The following TSPEAR variants were observed in gnomAD, a reference collection of about 807,000 sequenced individuals.
TSPEAR encodes thrombospondin-type laminin G domain and EAR repeat-containing protein.
Under a neutral mutation model 71.6 loss-of-function variants are expected in TSPEAR, and 69 were observed. The observed-to-expected ratio is 0.96, with a 90% CI of 0.79 to 1.18. TSPEAR has a LOEUF of 1.18. Ranked by LOEUF, TSPEAR falls within the 50% of genes most tolerant of loss-of-function variation. The pLI is 0.00. For missense variants in TSPEAR, 971 were observed against 894.9 expected, an observed-to-expected ratio of 1.09 and a Z score of -1.09; for synonymous variants, 402 against 387.2, an observed-to-expected ratio of 1.04 and a Z score of -0.45.
chr21:44,513,232 A>G (rs2052450187), intron 9 of TSPEAR, among the ~76,000 whole-genome samples: 1 of 152,200 alleles, frequency 6.6e-6, no homozygotes, highest in Non-Finnish European at 1.5e-5. Context: ...TCCCTATGCC[A>G]GGCTGTCAGA....
Position 44,539,415 on chromosome 21 carries a change from T to C in TSPEAR, c.304-5492A>G, listed in dbSNP as rs147442908. 2,602 of 1,602,062 alleles carry C rather than the reference T, an allele frequency of 1.6e-3. 18 individuals are homozygous for C. The East Asian group carries it at 0.023, about 14-fold the overall frequency. ...GGGGCACAGCAGGAGGAGACAGGCA[T>C]ACAGCAGGCGGGCCGGCATACAGGG... On this transcript the variant is annotated intron_variant, in intron 2 of 11. Coordinates refer to ENST00000323084, the MANE Select transcript of TSPEAR (RefSeq NM_144991.3).
chr21:44,691,922 C>T (rs972977137), intron 1 of TSPEAR, among the ~76,000 whole-genome samples: 4 of 152,140 alleles, frequency 2.6e-5, no homozygotes, highest in East Asian at 1.9e-4. Flanking sequence ...AAATCACAGA[C>T]GAACATGACT....
chr21:44,527,112 C>G (rs1555915013), intron 7 of TSPEAR, among the ~76,000 whole-genome samples, 180 bp downstream of exon 7: 1 of 152,174 alleles, frequency 6.6e-6, no homozygotes, highest in Non-Finnish European at 1.5e-5. Context: ...GCCTCAAAGT[C>G]ACATCCTGGA....
At chr21:44,676,847 A>C (rs1211005005) in intron 1 of TSPEAR, 6 of 950,102 alleles carry the variant, frequency 6.3e-6, no homozygotes, top group Non-Finnish European at 1.0e-5. Context: ...TCCAAGGCTA[A>C]TGTGATGTGC....
At chr21:44,576,718 C>A (rs1020919540) in intron 1 of TSPEAR, among the ~76,000 whole-genome samples, 4 of 152,156 alleles carry the variant, frequency 2.6e-5, no homozygotes, top group Non-Finnish European at 5.9e-5. Context: ...TTTACCAAAC[C>A]TCACTCTGTC....
In TSPEAR at chr21:44,499,403, G is replaced by A. The variant is rs117573900; in HGVS notation, c.*380C>T. The A allele has an allele frequency of 6.6e-3, 1,319 of 200,942 alleles. 69 individuals carry two copies. In the East Asian group the frequency reaches 0.12, roughly 18 times the overall value. 12.4% of individuals were successfully genotyped at this position (200,942 alleles called of 1,614,324 possible). On this transcript the variant is annotated 3_prime_UTR_variant, in exon 12 of 12. Transcript: ENST00000323084. ...ACCACACCTGCTCAGGCGGCCGGAC[G>A]CACACTGCAGGAGTGGCTGGCGAGA...
chr21:44,590,021 C>A (rs1979657913), intron 1 of TSPEAR, among the ~76,000 whole-genome samples: 1 of 152,244 alleles, frequency 6.6e-6, no homozygotes. Context: ...AAGGCTGTGT[C>A]AGTTTGGCCT....
At chr21:44,572,376 C>T (rs1471622489) in intron 1 of TSPEAR, among the ~76,000 whole-genome samples, 1 of 152,146 alleles carries the variant, frequency 6.6e-6, no homozygotes, top group Non-Finnish European at 1.5e-5. Context: ...AGCTGGGAAC[C>T]AACCTGCGGT....
At chr21:44,600,573 T>TCAC in intron 1 of TSPEAR, 2 of 1,345,226 alleles carry the variant, frequency 1.5e-6, no homozygotes, top group African/African-American at 3.5e-5. Flanking sequence ...CACTCACTCA[T>TCAC]TCACTCACTC....
chr21:44,511,298 T>TGC (rs1393223574), intron 9 of TSPEAR, among the ~76,000 whole-genome samples: 15 of 152,192 alleles, frequency 9.9e-5, no homozygotes, highest in East Asian at 3.9e-4. Flanking sequence ...ATGTGCACTG[T>TGC]GCGCACACAC....
intron 8 of TSPEAR, among the ~76,000 whole-genome samples, chr21:44,525,217 G>A (rs587775454): frequency 1.3e-4 from 20 of 152,240 alleles, no homozygotes; most frequent in African/African-American, 4.6e-4. Flanking sequence ...CATTCAGGTC[G>A]TCAATCAGTC....
chr21:44,538,191 C>G (rs2053124528), intron 2 of TSPEAR, among the ~76,000 whole-genome samples: 1 of 152,154 alleles, frequency 6.6e-6, no homozygotes, highest in Non-Finnish European at 1.5e-5. Context: ...GTTTGTCTCA[C>G]AGTCTGAGGA....
chr21:44,706,462 C>T (rs1201477381), intron 1 of TSPEAR, among the ~76,000 whole-genome samples: 1 of 146,428 alleles, frequency 6.8e-6, no homozygotes, highest in Non-Finnish European at 1.5e-5. Flanking sequence ...TACACACCCA[C>T]GTGCACACAC....
Position 44,659,399 on chromosome 21 carries a change from A to C in TSPEAR, c.82+52034T>G, listed in dbSNP as rs587674280. On this transcript the variant is annotated intron_variant, in intron 1 of 11. Coordinates refer to ENST00000323084, the MANE Select transcript of TSPEAR (RefSeq NM_144991.3). ...CACCCTAAGCACAAGCGGTTGGTGCACTGAAGGTAACCACAGTAACAACAA... is the reference window on the plus strand; with the variant it reads ...CACCCTAAGCACAAGCGGTTGGTGCCCTGAAGGTAACCACAGTAACAACAA... Among the ~76,000 whole-genome samples the C allele has an allele frequency of 2.2e-4, 33 of 151,980 alleles. No individual in the cohort carries two copies. In the East Asian group the frequency reaches 3.5e-3, roughly 16 times the overall value.
chr21:44,710,163 C>T lies in TSPEAR; in HGVS notation c.82+1270G>A, dbSNP rs1476625651. Among the ~76,000 whole-genome samples the T allele has an allele frequency of 2.6e-5, 4 of 152,142 alleles. No homozygotes were observed. The highest frequency in any genetic ancestry group is 9.7e-5 in the African/African-American group (4 of 41,438). ...GGAGGGAGAAAGGCTGGCGCTGCGC[C>T]CTCCATCGCGTGAAGCCAGGGGATT... On this transcript the variant is annotated intron_variant, in intron 1 of 11. Transcript: ENST00000323084. The surrounding 1 kb of genome is among the most constrained non-coding windows in gnomAD (Gnocchi z 4.6).
At chr21:44,548,151 G>A (rs146545180) in intron 2 of TSPEAR, among the ~76,000 whole-genome samples, 1,539 of 152,310 alleles carry the variant, frequency 0.01, 22 homozygotes, top group African/African-American at 0.035. Flanking sequence ...AGCCCTGTGT[G>A]TTAGTCCTTC....
rs373680904 is a variant in TSPEAR, at chr21:44,711,455, C to T, written c.60G>A (p.Thr20=). Residue 20 remains threonine, a synonymous_variant, in exon 1 of 12, where the codon ACG becomes ACA. Transcript: ENST00000323084. The surrounding 1 kb of genome is among the most constrained non-coding windows in gnomAD (Gnocchi z 4.5). ...TACCTGTGCAGGGCTCCCAACCCTG[C>T]GTGCCGTGGCCGGGGGCCGCCAGGG... ...VLPLAAPGHG[T]QGWEPCTDLR... The T allele has an allele frequency of 1.4e-5, 22 of 1,609,772 alleles. No homozygotes were observed. In the African/African-American group the frequency reaches 2.3e-4, roughly 17 times the overall value.
At chr21:44,658,240 C>T (rs1555942980) in intron 1 of TSPEAR, 4 of 1,614,040 alleles carry the variant, frequency 2.5e-6, no homozygotes, top group East Asian at 2.2e-5. Flanking sequence ...TCTGCAGACC[C>T]ATCTCCTGCA....
chr21:44,702,752 C>T, intron 1 of TSPEAR: 2 of 1,384,960 alleles, frequency 1.4e-6, no homozygotes, highest in Non-Finnish European at 2.0e-6. Flanking sequence ...CGTGTGTGCT[C>T]CCACCTGGCC....
Sources: gnomAD v4.1 joint callset for allele counts (sites outside exome capture counted in the v4.1 genomes callset) on GRCh38, gnomAD v4.1.1 for gene constraint, Gnocchi (gnomAD v3.1) non-coding constraint, MANE v1.5 for transcripts, NCBI Gene and HGNC (gene_info 2026-07-23, HGNC 2026-07-21) for gene names.